The following ASIC2 variants were observed in gnomAD, a reference collection of about 807,000 sequenced individuals.
ASIC2 encodes the protein acid-sensing ion channel 2.
In ASIC2, 25 loss-of-function variants were observed where a neutral mutation model predicts 57.3. The ratio of observed to expected loss-of-function variants is 0.44; its 90% confidence interval spans 0.32 to 0.61. ASIC2 has a LOEUF of 0.61. Among genes scored for constraint, ASIC2 ranks in the 20% least tolerant of loss-of-function variants. The pLI is 0.06. For missense variants in ASIC2, 641 were observed against 738.1 expected (o/e 0.87, Z 1.52); for synonymous variants, 319 against 307.5 (o/e 1.04, Z -0.39).
At chr17:33,081,907 T>C (rs2092114438) in intron 3 of ASIC2, among the ~76,000 whole-genome samples, 1 of 152,212 alleles carries the variant, frequency 6.6e-6, no homozygotes, top group African/African-American at 2.4e-5. Flanking sequence ...TAACTAGAGC[T>C]GGCAAGACCT....
At chr17:33,171,494 T>C (rs1333298756) in intron 1 of ASIC2, among the ~76,000 whole-genome samples, 3 of 152,180 alleles carry the variant, frequency 2.0e-5, no homozygotes, top group Non-Finnish European at 2.9e-5. Flanking sequence ...CCAAGTCCCA[T>C]TGATTTCACC....
At chr17:34,130,802 T>C (rs1911930240) in intron 1 of ASIC2, among the ~76,000 whole-genome samples, 1 of 152,234 alleles carries the variant, frequency 6.6e-6, no homozygotes, top group Admixed American at 6.5e-5. Context: ...GCTCAACAAA[T>C]GCTTTTTGAA....
At chr17:34,050,216 T>C (rs1048734958) in intron 1 of ASIC2, among the ~76,000 whole-genome samples, 7 of 152,184 alleles carry the variant, frequency 4.6e-5, no homozygotes, top group Non-Finnish European at 7.3e-5. Flanking sequence ...CAAGAGTTTA[T>C]GATTGCCAGG....
At chr17:33,323,903 C>G (rs962411269) in intron 1 of ASIC2, among the ~76,000 whole-genome samples, 1 of 151,782 alleles carries the variant, frequency 6.6e-6, no homozygotes, top group African/African-American at 2.4e-5. Flanking sequence ...TTCATTGGTG[C>G]TGGTAATATT....
chr17:33,058,240 A>G (rs16551), intron 3 of ASIC2, among the ~76,000 whole-genome samples: 2,393 of 152,200 alleles, frequency 0.016, 50 homozygotes, highest in African/African-American at 0.053. Flanking sequence ...CAGGCTGGTA[A>G]ACCGAGGCAC....
intron 1 of ASIC2, among the ~76,000 whole-genome samples, chr17:33,248,610 G>T (rs935139939): frequency 1.3e-5 from 2 of 152,190 alleles, no homozygotes; most frequent in Admixed American, 6.5e-5. Context: ...CATTGTGTCA[G>T]CAGGTCCACA....
chr17:33,221,013 A>T (rs750629759), intron 1 of ASIC2, among the ~76,000 whole-genome samples: 45 of 152,190 alleles, frequency 3.0e-4, no homozygotes, highest in Non-Finnish European at 6.2e-4. Context: ...AAAAGTTTGC[A>T]GTGAGCTGAC....
intron 1 of ASIC2, among the ~76,000 whole-genome samples, chr17:33,977,579 T>G (rs1407648332): frequency 6.6e-6 from 1 of 152,204 alleles, no homozygotes; most frequent in Non-Finnish European, 1.5e-5. Context: ...GTTTGAAGGA[T>G]ACAGTTTTTC....
intron 1 of ASIC2, among the ~76,000 whole-genome samples, chr17:33,703,282 A>C (rs570166333): frequency 9.9e-5 from 15 of 151,974 alleles, no homozygotes; most frequent in African/African-American, 3.6e-4. Context: ...GATTTTAATT[A>C]ATTAAAATAG....
At chr17:34,094,588 T>C (rs967296365) in intron 1 of ASIC2, among the ~76,000 whole-genome samples, 5 of 152,194 alleles carry the variant, frequency 3.3e-5, no homozygotes, top group African/African-American at 1.2e-4. Context: ...GGGTGTTCAG[T>C]TGGGTTCCAC....
intron 1 of ASIC2, among the ~76,000 whole-genome samples, chr17:33,997,249 C>T (rs564047228): frequency 6.6e-6 from 1 of 151,742 alleles, no homozygotes; most frequent in African/African-American, 2.4e-5. Context: ...TCAAGCTATC[C>T]TCCCACCTCA....
intron 1 of ASIC2, among the ~76,000 whole-genome samples, chr17:33,805,863 A>G (rs566380862): frequency 1.6e-4 from 24 of 152,342 alleles, no homozygotes; most frequent in African/African-American, 5.8e-4. Flanking sequence ...TGGAGCTAAT[A>G]TTACATGGAA....
At chr17:33,289,630 G>C (rs558701788) in intron 1 of ASIC2, among the ~76,000 whole-genome samples, 131 of 152,320 alleles carry the variant, frequency 8.6e-4, no homozygotes, top group African/African-American at 3.1e-3. Flanking sequence ...CTTTGAACTT[G>C]CTGGCTCTGA....
chr17:33,809,905 G>A (rs1422799653), intron 1 of ASIC2, among the ~76,000 whole-genome samples: 1 of 152,158 alleles, frequency 6.6e-6, no homozygotes, highest in Non-Finnish European at 1.5e-5. Flanking sequence ...AATAAAGCAA[G>A]GACTATTCTC....
chr17:33,347,196 T>G (rs917208138), intron 1 of ASIC2, among the ~76,000 whole-genome samples: 1 of 152,136 alleles, frequency 6.6e-6, no homozygotes, highest in Admixed American at 6.5e-5. Context: ...GTGGGGACAC[T>G]TCATTCATAG....
At chr17:33,263,095 C>A (rs1035953756) in intron 1 of ASIC2, among the ~76,000 whole-genome samples, 3 of 152,160 alleles carry the variant, frequency 2.0e-5, no homozygotes, top group African/African-American at 7.2e-5. Context: ...GAGGGAAGGG[C>A]ATCTGTTTGT....
chr17:33,151,228 G>A (rs1038272197), intron 1 of ASIC2, among the ~76,000 whole-genome samples: 5 of 150,688 alleles, frequency 3.3e-5, no homozygotes, highest in Admixed American at 6.6e-5. Context: ...CACACAATTA[G>A]CCAGGTTTGG....
intron 1 of ASIC2, among the ~76,000 whole-genome samples, chr17:33,739,185 A>T (rs1567702309): frequency 6.6e-6 from 1 of 152,260 alleles, no homozygotes; most frequent in Non-Finnish European, 1.5e-5. Flanking sequence ...TTATATGACA[A>T]ATGAATAAAT....
chr17:33,671,748 T>C (rs905308736), intron 1 of ASIC2, among the ~76,000 whole-genome samples: 5 of 152,214 alleles, frequency 3.3e-5, no homozygotes, highest in Non-Finnish European at 7.3e-5. Flanking sequence ...TGTCAGTGTC[T>C]CTATGGCCTG....
Sources: gnomAD v4.1 joint callset for allele counts (sites outside exome capture counted in the v4.1 genomes callset) on GRCh38, gnomAD v4.1.1 for gene constraint, MANE v1.5 for transcripts, NCBI Gene and HGNC (gene_info 2026-07-23, HGNC 2026-07-21) for gene names.